The following UNC13C variants were observed in gnomAD, a reference collection of about 807,000 sequenced individuals.
UNC13C encodes protein unc-13 homolog C.
A neutral mutation model predicts 245.4 loss-of-function variants in UNC13C; 174 were observed. That is an observed-to-expected ratio of 0.71 (90% CI 0.63 to 0.80). UNC13C has a LOEUF of 0.80. Ranked by LOEUF, UNC13C falls within the 30% of genes least tolerant of loss-of-function variation. UNC13C has a pLI of 0.00. For synonymous variants in UNC13C, 992 were observed against 895.1 expected (o/e 1.11, Z -1.93); for missense variants, 2,829 against 2,602.9 (o/e 1.09, Z -1.89).
intron 2 of UNC13C, among the ~76,000 whole-genome samples, chr15:54,118,030 T>G (rs2030396196): frequency 1.3e-5 from 2 of 152,202 alleles, no homozygotes; most frequent in African/African-American, 4.8e-5. Flanking sequence ...GCCAATACCA[T>G]GCTGATTTGG....
chr15:53,859,146 T>C, the UNC13C span, among the ~76,000 whole-genome samples: 1 of 152,040 alleles, frequency 6.6e-6, no homozygotes, highest in Non-Finnish European at 1.5e-5. Flanking sequence ...AATAACTAAA[T>C]GAAACAAAAA....
chr15:53,933,532 C>T, the UNC13C span, among the ~76,000 whole-genome samples: 1 of 152,140 alleles, frequency 6.6e-6, no homozygotes, highest in Non-Finnish European at 1.5e-5. Context: ...CTGTGGAAGC[C>T]TCTGAACGAC....
chr15:54,375,889 A>AT (rs1165554537), intron 17 of UNC13C, among the ~76,000 whole-genome samples: 3 of 152,170 alleles, frequency 2.0e-5, no homozygotes, highest in East Asian at 1.9e-4. Flanking sequence ...ATAAATGTAT[A>AT]TTTTTTTAAA....
In UNC13C at chr15:54,333,840, C is replaced by T. The variant is rs1231618968; in HGVS notation, c.4568C>T (p.Thr1523Ile). 2 of 1,602,408 alleles carry T rather than the reference C, an allele frequency of 1.2e-6. No individual in the cohort carries two copies. Among genetic ancestry groups the T allele is most frequent in the Non-Finnish European group, 1.7e-6 (2 of 1,173,570 alleles). ...ACTGTTGACCTGTTAACAAGTATCA[C>T]CTTTTTTAGGATGAAGGTATCTCAT... is the stretch of plus-strand genomic sequence containing the variant. ...KSTVDLLTSI[T>I]FFRMKVLELQ... Residue 1523 changes from threonine to isoleucine, a missense_variant, in exon 16 of 33, where the codon ACC becomes ATC. By Grantham distance (89) the Thr-to-Ile change is moderately conservative. Coordinates refer to ENST00000260323, the MANE Select transcript of UNC13C (RefSeq NM_001080534.3).
At chr15:54,193,839 C>T (rs1364940901) in intron 4 of UNC13C, among the ~76,000 whole-genome samples, 1 of 152,078 alleles carries the variant, frequency 6.6e-6, no homozygotes, top group African/African-American at 2.4e-5. Flanking sequence ...TATCACACTG[C>T]TAGAGAGTGC....
chr15:54,461,812 G>T (rs888379008), intron 19 of UNC13C, among the ~76,000 whole-genome samples: 1 of 152,192 alleles, frequency 6.6e-6, no homozygotes, highest in Non-Finnish European at 1.5e-5. Flanking sequence ...GGTAGTGATA[G>T]ATGTGGATAC....
chr15:54,561,872 G>A (rs1244553938), intron 29 of UNC13C, among the ~76,000 whole-genome samples: 1 of 151,942 alleles, frequency 6.6e-6, no homozygotes, highest in Non-Finnish European at 1.5e-5. Context: ...GCTTTAGGAG[G>A]AGAAAGGGAA....
intron 19 of UNC13C, among the ~76,000 whole-genome samples, chr15:54,478,979 A>G (rs1053867317): frequency 6.6e-6 from 1 of 152,044 alleles, no homozygotes; most frequent in African/African-American, 2.4e-5. Flanking sequence ...GACTTGCTTT[A>G]TGAATCTGGG....
chr15:53,949,790 T>C, the UNC13C span, among the ~76,000 whole-genome samples: 4 of 152,206 alleles, frequency 2.6e-5, no homozygotes, highest in East Asian at 7.7e-4. Flanking sequence ...GTTGGGAATT[T>C]GCACTTTATA....
At chr15:54,328,557 C>T (rs901404303) in intron 14 of UNC13C, among the ~76,000 whole-genome samples, 1 of 152,002 alleles carries the variant, frequency 6.6e-6, no homozygotes, top group African/African-American at 2.4e-5. Context: ...TAAATTCATC[C>T]CTGCTGTTGA....
chr15:54,488,427 A>G (rs997724825), intron 19 of UNC13C, among the ~76,000 whole-genome samples: 1 of 152,230 alleles, frequency 6.6e-6, no homozygotes, highest in Non-Finnish European at 1.5e-5. Context: ...ATGAAATTAT[A>G]TGTTACAAAC....
chr15:54,057,125 G>C (rs1382754081), intron 2 of UNC13C, among the ~76,000 whole-genome samples: 1 of 152,166 alleles, frequency 6.6e-6, no homozygotes, highest in Non-Finnish European at 1.5e-5. Flanking sequence ...AATCTTAAAT[G>C]TAAATGGGCT....
chr15:54,439,155 C>G (rs1890381445), intron 19 of UNC13C, among the ~76,000 whole-genome samples: 1 of 151,960 alleles, frequency 6.6e-6, no homozygotes, highest in East Asian at 1.9e-4. Context: ...ACGCATCTCT[C>G]TCACAATCTC....
chr15:54,581,356 C>T (rs758634532), intron 30 of UNC13C, among the ~76,000 whole-genome samples: 18 of 152,216 alleles, frequency 1.2e-4, no homozygotes, highest in Non-Finnish European at 2.1e-4. Context: ...CCTGCTCAGG[C>T]TGTCATAACA....
chr15:53,974,396 A>G (rs192176230), upstream of UNC13C, among the ~76,000 whole-genome samples: 159 of 152,236 alleles, frequency 1.0e-3, no homozygotes, highest in African/African-American at 3.7e-3. Flanking sequence ...TTATTCACTC[A>G]CTCATCAACC....
intron 2 of UNC13C, among the ~76,000 whole-genome samples, chr15:54,067,559 A>T (rs1898130811): frequency 6.6e-6 from 1 of 152,198 alleles, no homozygotes. Flanking sequence ...ATAGCTGTAA[A>T]TGTTGCACTG....
chr15:54,350,605 TA>T (rs1282506145), intron 17 of UNC13C, among the ~76,000 whole-genome samples: 1 of 152,196 alleles, frequency 6.6e-6, no homozygotes, highest in Non-Finnish European at 1.5e-5. Flanking sequence ...GTCAATTACC[TA>T]AACTTTGTAT....
At chr15:54,464,909 A>G (rs116742812) in intron 19 of UNC13C, among the ~76,000 whole-genome samples, 3,308 of 151,798 alleles carry the variant, frequency 0.022, 114 homozygotes, top group African/African-American at 0.077. Flanking sequence ...TAGAACTTCT[A>G]TTACAGGCTT....
At chr15:54,600,606 G>A (rs865938944) in intron 30 of UNC13C, among the ~76,000 whole-genome samples, 25 of 151,988 alleles carry the variant, frequency 1.6e-4, no homozygotes, top group African/African-American at 5.3e-4. Context: ...TCACTTTTTT[G>A]GTACCTTATT....
Sources: gnomAD v4.1 joint callset for allele counts (sites outside exome capture counted in the v4.1 genomes callset) on GRCh38, gnomAD v4.1.1 for gene constraint, MANE v1.5 for transcripts, NCBI Gene and HGNC (gene_info 2026-07-23, HGNC 2026-07-21) for gene names.